The following RASAL2 variants were observed in gnomAD, a reference collection of about 807,000 sequenced individuals.
RASAL2 encodes the protein RAS protein activator like 2, also known as ras GTPase-activating protein nGAP.
A neutral mutation model predicts 128.9 loss-of-function variants in RASAL2; 58 were observed. The ratio of observed to expected loss-of-function variants is 0.45; its 90% CI spans 0.36 to 0.56. The LOEUF (loss-of-function observed/expected upper bound fraction) is 0.56, where lower values mean the gene tolerates loss of function less well. Among genes scored for constraint, RASAL2 ranks in the 20% least tolerant of loss-of-function variants. The probability of loss-of-function intolerance (pLI) is 0.00; values close to 1 mark genes in which losing one functional copy is unlikely to be tolerated. For synonymous variants in RASAL2, 561 were observed against 580.8 expected, an observed-to-expected ratio of 0.97 and a Z score of 0.49; for missense variants, 1,360 against 1,601.6, an observed-to-expected ratio of 0.85 and a Z score of 2.57.
At chr1:178,175,877 TTTG>T (rs910642159) in intron 1 of RASAL2, among the ~76,000 whole-genome samples, 2 of 152,172 alleles carry the variant, frequency 1.3e-5, no homozygotes, top group African/African-American at 4.8e-5. Flanking sequence ...AAGACATTAT[TTTG>T]TTGTTGTCGT....
intron 17 of RASAL2, among the ~76,000 whole-genome samples, chr1:178,468,667 A>G (rs1381350578): frequency 6.6e-6 from 1 of 152,222 alleles, no homozygotes; most frequent in Non-Finnish European, 1.5e-5. Context: ...CTGGATACTT[A>G]GACATGCGGA....
intron 1 of RASAL2, among the ~76,000 whole-genome samples, chr1:178,203,026 A>G (rs1264250528): frequency 6.6e-6 from 1 of 152,178 alleles, no homozygotes; most frequent in Non-Finnish European, 1.5e-5. Context: ...CCTCTGGGTG[A>G]TCAGCCAGCT....
rs1648782083 is a variant in RASAL2, at chr1:178,477,785, C to T, written c.*4546C>T. 1 of 133,412 alleles carries T rather than the reference C, an allele frequency of 7.5e-6. No homozygotes were observed. 8.3% of individuals were successfully genotyped at this position (133,412 alleles called of 1,614,324 possible). ...TGCTCTCGTCTGTTAGATTTTATGA[C>T]ATTCTATCATCCTAAAAAATGTACT... On this transcript the variant is annotated 3_prime_UTR_variant, in exon 18 of 18. Coordinates refer to ENST00000367649, the MANE Select transcript of RASAL2 (RefSeq NM_170692.4).
At chr1:178,286,732 C>G in intron 2 of RASAL2, among the ~76,000 whole-genome samples, 1 of 152,168 alleles carries the variant, frequency 6.6e-6, no homozygotes, top group East Asian at 1.9e-4. Flanking sequence ...TTCTAACCTT[C>G]CTCGTCGTTT....
chr1:178,434,028 A>G (rs960881012), intron 5 of RASAL2, among the ~76,000 whole-genome samples: 2 of 152,124 alleles, frequency 1.3e-5, no homozygotes, highest in Non-Finnish European at 2.9e-5. Flanking sequence ...AACTGAAATC[A>G]GAAATAAGGA....
Position 178,442,680 on chromosome 1 carries a change from T to C in RASAL2, c.933T>C (p.Asn311=). The change falls in exon 8 of 18, where the codon AAT becomes AAC. Residue 311 remains asparagine, a synonymous_variant. Coordinates refer to ENST00000367649, the MANE Select transcript of RASAL2 (RefSeq NM_170692.4). ...LRRTVQPNKD[N]CRRAENVLRL... ...GCTTTGTTGCCTCTTTATAGGACAA[T>C]TGCAGGCGAGCTGAAAATGTTCTTC... 6.2e-7 allele frequency: 1 copy of C among 1,602,944 alleles called. No individual in the cohort carries two copies. Among genetic ancestry groups the C allele is most frequent in the Non-Finnish European group, 8.5e-7 (1 of 1,174,194 alleles).
At chr1:178,226,252 C>T (rs527499796) in intron 1 of RASAL2, among the ~76,000 whole-genome samples, 1 of 152,206 alleles carries the variant, frequency 6.6e-6, no homozygotes, top group East Asian at 1.9e-4. Flanking sequence ...AAGCACTGGT[C>T]TGGAAGCAGA....
intron 7 of RASAL2, among the ~76,000 whole-genome samples, 168 bp from the exon 8 acceptor site, chr1:178,442,507 A>G (rs1260558275): frequency 6.6e-6 from 1 of 152,160 alleles, no homozygotes; most frequent in Non-Finnish European, 1.5e-5. Flanking sequence ...ATTCTAATGC[A>G]TGCTTGTTTA....
chr1:178,325,799 G>T (rs1171440273), intron 3 of RASAL2, among the ~76,000 whole-genome samples: 1 of 152,182 alleles, frequency 6.6e-6, no homozygotes, highest in African/African-American at 2.4e-5. Flanking sequence ...ATGTGTTACT[G>T]CAGTTGATAA....
At chr1:178,428,741 T>C (rs1042210034) in intron 5 of RASAL2, among the ~76,000 whole-genome samples, 2 of 152,032 alleles carry the variant, frequency 1.3e-5, no homozygotes, top group African/African-American at 4.8e-5. Flanking sequence ...AGGCATGAGC[T>C]GTGGCACCAG....
chr1:178,470,523 A>G (rs1648150698), intron 17 of RASAL2, among the ~76,000 whole-genome samples: 1 of 152,208 alleles, frequency 6.6e-6, no homozygotes. Context: ...CTTAAATATC[A>G]GACCAGAGAA....
intron 3 of RASAL2, among the ~76,000 whole-genome samples, chr1:178,364,907 C>CT (rs564519799): frequency 2.0e-5 from 3 of 151,396 alleles, no homozygotes; most frequent in Admixed American, 6.6e-5. Context: ...ACTGTATTTA[C>CT]TTTTTTTTTC....
intron 1 of RASAL2, among the ~76,000 whole-genome samples, chr1:178,177,784 G>T (rs1028198923): frequency 2.6e-5 from 4 of 152,122 alleles, no homozygotes; most frequent in Non-Finnish European, 4.4e-5. Context: ...GGCAGGCAAG[G>T]GGTAGACCTA....
chr1:178,431,721 A>G (rs908532240), intron 5 of RASAL2, among the ~76,000 whole-genome samples: 10 of 151,966 alleles, frequency 6.6e-5, no homozygotes, highest in Non-Finnish European at 1.0e-4. Flanking sequence ...AAGGAATACT[A>G]TGTGGTCATT....
chr1:178,189,479 G>A (rs900228472), intron 1 of RASAL2, among the ~76,000 whole-genome samples: 2 of 152,096 alleles, frequency 1.3e-5, no homozygotes, highest in African/African-American at 2.4e-5. Flanking sequence ...AAAATTTAAC[G>A]AATACATTTT....
chr1:178,095,463 G>C (rs1184423047), intron 1 of RASAL2, among the ~76,000 whole-genome samples: 1 of 152,198 alleles, frequency 6.6e-6, no homozygotes, highest in African/African-American at 2.4e-5. Flanking sequence ...TCAGGACTGA[G>C]CTGTGGCTTT....
intron 1 of RASAL2, among the ~76,000 whole-genome samples, chr1:178,145,888 C>T (rs969097390): frequency 6.6e-6 from 1 of 152,168 alleles, no homozygotes; most frequent in African/African-American, 2.4e-5. Context: ...CATTTGCACC[C>T]ATTAGCCAAA....
At chr1:178,128,523 T>C (rs1659982855) in intron 1 of RASAL2, among the ~76,000 whole-genome samples, 1 of 152,184 alleles carries the variant, frequency 6.6e-6, no homozygotes, top group African/African-American at 2.4e-5. Flanking sequence ...CATCTTTTTT[T>C]GTTAAGTAAC....
At chr1:178,150,658 A>G (rs1299643272) in intron 1 of RASAL2, among the ~76,000 whole-genome samples, 8 of 152,184 alleles carry the variant, frequency 5.3e-5, no homozygotes, top group African/African-American at 1.7e-4. Flanking sequence ...ATCTGTTTGT[A>G]TATTCGTTGG....
Sources: allele counts gnomAD v4.1 joint callset (sites outside exome capture counted in the v4.1 genomes callset), GRCh38; gene constraint gnomAD v4.1.1; transcripts MANE v1.5; gene names NCBI Gene and HGNC (gene_info 2026-07-23, HGNC 2026-07-21).